The following KDM5A variants were observed in gnomAD, a reference collection of about 807,000 sequenced individuals.
The protein encoded by KDM5A is lysine demethylase 5A, also known as lysine-specific demethylase 5A.
KDM5A carries 42 observed loss-of-function variants against 193.5 expected under a neutral mutation model. The observed-to-expected ratio is 0.22, with a 90% confidence interval of 0.17 to 0.28. KDM5A has a LOEUF of 0.28. Among genes scored for constraint, KDM5A ranks in the 10% least tolerant of loss-of-function variants. The pLI is 1.00. For missense variants in KDM5A, 1,692 were observed against 2,055.1 expected (o/e 0.82, Z 3.42); for synonymous variants, 796 against 718.1 (o/e 1.11, Z -1.73).
chr12:326,462 A>G (rs532836514), intron 14 of KDM5A, among the ~76,000 whole-genome samples: 1 of 152,358 alleles, frequency 6.6e-6, no homozygotes, highest in South Asian at 2.1e-4. Flanking sequence ...GCCAAATACA[A>G]TCAAAGAGAC....
At chr12:329,482 TAGA>T (rs374730908) in intron 13 of KDM5A, among the ~76,000 whole-genome samples, 21 of 150,310 alleles carry the variant, frequency 1.4e-4, no homozygotes, top group Non-Finnish European at 2.5e-4. Context: ...CAGATGTTAT[TAGA>T]AGAAAAAAAA....
chr12:313,259 T>C (rs1010765212), intron 19 of KDM5A, 65 bp from the exon 20 acceptor site: 2 of 1,573,260 alleles, frequency 1.3e-6, no homozygotes, highest in African/African-American at 2.7e-5. Context: ...CATTTCAGAA[T>C]GTTTAGAGAA....
chr12:373,288 C>G lies in KDM5A; in HGVS notation c.367-7184G>C, dbSNP rs185890921. Among the ~76,000 whole-genome samples the G allele has an allele frequency of 1.9e-3, 296 of 152,236 alleles. 2 individuals are homozygous for G. The highest frequency in any genetic ancestry group is 3.1e-3 in the Non-Finnish European group (212 of 68,012). ...TTTCAGAGCCTGTTATTGGTCTATT[C>G]AGGGATTCAACTTCTTCCTGGTTTA... is the stretch of plus-strand genomic sequence containing the variant. On this transcript the variant is annotated intron_variant, in intron 3 of 27. Transcript: ENST00000399788.
intron 24 of KDM5A, among the ~76,000 whole-genome samples, chr12:301,868 T>C (rs1298779656): frequency 7.2e-6 from 1 of 139,504 alleles, no homozygotes; most frequent in Non-Finnish European, 1.6e-5. Flanking sequence ...AGCACTCCTA[T>C]ATGCCATTCA....
chr12:297,212 A>ACC lies in KDM5A; in HGVS notation c.4075-13_4075-12insGG. 6.2e-7 allele frequency: 1 copy of ACC among 1,613,606 alleles called. No individual in the cohort carries two copies. Among genetic ancestry groups the ACC allele is most frequent in the Non-Finnish European group, 8.5e-7 (1 of 1,179,624 alleles). On this transcript the variant is annotated splice_polypyrimidine_tract_variant and intron_variant, in intron 24 of 27. Transcript: ENST00000399788. ...ACACTGGCTGTGTCCTGAAGAAGAAACAAAGAGAAGTATTCAGAATTAGAG... is the reference window on the plus strand; with the variant it reads ...ACACTGGCTGTGTCCTGAAGAAGAAACCCAAAGAGAAGTATTCAGAATTAGAG...
Position 282,713 on chromosome 12 carries a change from A to T in KDM5A, c.*2743T>A, listed in dbSNP as rs1276521866. On this transcript the variant is annotated 3_prime_UTR_variant, in exon 28 of 28. Transcript: ENST00000399788. ...ACTAATGATGAAGAATTGCAACTTC[A>T]GTTGCAGTTTAGAGGAGATAAGGGT... 1 of 232,796 alleles carries T rather than the reference A, an allele frequency of 4.3e-6. No individual in the cohort carries two copies. The highest frequency in any genetic ancestry group is 8.5e-6 in the Non-Finnish European group (1 of 117,840). 14.4% of individuals were successfully genotyped at this position (232,796 alleles called of 1,614,324 possible). A position where few individuals can be genotyped will look rare whatever the true frequency, so the allele number is the denominator to read the frequency against.
At chr12:339,568 G>C (rs116345586) in intron 10 of KDM5A, among the ~76,000 whole-genome samples, 1 of 152,110 alleles carries the variant, frequency 6.6e-6, no homozygotes, top group African/African-American at 2.4e-5. Flanking sequence ...TCAATGTTTC[G>C]ATCTATTTAA....
intron 3 of KDM5A, among the ~76,000 whole-genome samples, chr12:379,072 C>T (rs1944543568): frequency 6.6e-6 from 1 of 151,420 alleles, no homozygotes; most frequent in Admixed American, 6.6e-5. Flanking sequence ...GTGATTTAAT[C>T]AAAACAGGAA....
intron 12 of KDM5A, 33 bp from the exon 13 acceptor site, chr12:331,971 T>TA: frequency 3.1e-6 from 5 of 1,600,108 alleles, no homozygotes; most frequent in Non-Finnish European, 4.3e-6. Context: ...GATACAAAAA[T>TA]AAAAAATAAA....
chr12:373,890 T>C (rs577413074), intron 3 of KDM5A, among the ~76,000 whole-genome samples: 3 of 152,330 alleles, frequency 2.0e-5, no homozygotes, highest in South Asian at 2.1e-4. Context: ...TTGAGTGGTT[T>C]TGAGTGAGTT....
chr12:308,826 T>G (rs1943545687), intron 22 of KDM5A, among the ~76,000 whole-genome samples: 1 of 152,234 alleles, frequency 6.6e-6, no homozygotes, highest in African/African-American at 2.4e-5. Context: ...TCCCTACTTT[T>G]ATTGTCCAGA....
At chr12:288,982 A>T (rs929792609) in intron 27 of KDM5A, among the ~76,000 whole-genome samples, 3 of 152,252 alleles carry the variant, frequency 2.0e-5, no homozygotes, top group Admixed American at 6.5e-5. Flanking sequence ...CTGTGCTAAA[A>T]GGAGATATGA....
chr12:318,015 C>A, intron 19 of KDM5A, 91 bp downstream of exon 19: 4 of 964,792 alleles, frequency 4.1e-6, no homozygotes, highest in South Asian at 1.4e-5. Flanking sequence ...AAAAAAAAGT[C>A]ATTTAATGAA....
intron 7 of KDM5A, 95 bp from the exon 8 acceptor site, chr12:354,329 C>G (rs2137454943): frequency 1.2e-6 from 1 of 819,518 alleles, no homozygotes; most frequent in Non-Finnish European, 2.0e-6. Flanking sequence ...AATAATGCAA[C>G]TGAAAAGTAA....
rs2137458163 is a variant in KDM5A at position 356,519 on chromosome 12, T to A, written c.691A>T (p.Ser231Cys). The A allele has an allele frequency of 6.2e-7, 1 of 1,611,534 alleles. No homozygotes were observed. The highest frequency in any genetic ancestry group is 8.5e-7 in the Non-Finnish European group (1 of 1,177,624). Residue 231 changes from serine (S) to cysteine (C), a missense_variant, in exon 6 of 28, where the codon AGT becomes TGT. This residue lies in a region of KDM5A where 134 missense variants were observed against 124.2 expected (regional missense o/e 1.08). Coordinates refer to ENST00000399788, the MANE Select transcript of KDM5A (RefSeq NM_001042603.3). ...AGTTTCTTCAGTTCCGTGTTTCTAC[T>A]CACATCTCCAGATTCTGACTAAAAA... ...VKTQSESGDV[S>C]RNTELKKLQI...
chr12:375,925 G>A (rs1329725109), intron 3 of KDM5A, among the ~76,000 whole-genome samples: 4 of 152,198 alleles, frequency 2.6e-5, no homozygotes, highest in African/African-American at 9.6e-5. Flanking sequence ...ATTGCTGCCT[G>A]ATCCTTCCTC....
At chr12:319,714 A>G (rs1943693031) in intron 18 of KDM5A, among the ~76,000 whole-genome samples, 1 of 152,060 alleles carries the variant, frequency 6.6e-6, no homozygotes, top group Non-Finnish European at 1.5e-5. Context: ...AGACCATACC[A>G]CTGTACTGCA....
At chr12:357,855 G>C (rs1452810905) in intron 5 of KDM5A, among the ~76,000 whole-genome samples, 64 of 30,528 alleles carry the variant, frequency 2.1e-3, no homozygotes, top group Non-Finnish European at 2.7e-3. Context: ...AAAAAAAAAA[G>C]CCCTTTTGCC....
At chr12:292,609 A>C in intron 27 of KDM5A, 150 bp downstream of exon 27, 1 of 964,504 alleles carries the variant, frequency 1.0e-6, no homozygotes, top group Admixed American at 2.1e-5. Flanking sequence ...CTCATTATTC[A>C]AAACAGTTTA....
Sources: allele counts gnomAD v4.1 joint callset (sites outside exome capture counted in the v4.1 genomes callset), GRCh38; gene constraint gnomAD v4.1.1; regional missense constraint gnomAD v4.1.1; transcripts MANE v1.5; gene names NCBI Gene and HGNC (gene_info 2026-07-23, HGNC 2026-07-21).